The following CNTLN variants were observed in gnomAD, a reference collection of about 807,000 sequenced individuals.
CNTLN encodes the protein centlein, also known as centlein, centrosomal protein.
CNTLN carries 212 observed loss-of-function variants against 180.0 expected under a neutral mutation model. That is an observed-to-expected ratio of 1.18 (90% CI 1.05 to 1.32). The LOEUF is 1.32. CNTLN is among the 40% of genes most tolerant of loss of function. CNTLN has a pLI of 0.00. For synonymous variants in CNTLN, 722 were observed against 563.1 expected, an observed-to-expected ratio of 1.28 and a Z score of -3.99; for missense variants, 2,095 against 1,610.9, an observed-to-expected ratio of 1.30 and a Z score of -5.14.
At chr9:17,174,238 T>A (rs1820579954) in intron 2 of CNTLN, among the ~76,000 whole-genome samples, 1 of 152,212 alleles carries the variant, frequency 6.6e-6, no homozygotes, top group Non-Finnish European at 1.5e-5. Context: ...CATTCACTTG[T>A]TGAAGGACAT....
chr9:17,260,879 A>G (rs150915454), intron 5 of CNTLN, among the ~76,000 whole-genome samples: 80 of 151,398 alleles, frequency 5.3e-4, no homozygotes, highest in Admixed American at 3.6e-3. Flanking sequence ...TCCAGTTTCA[A>G]TCTTCCGCAT....
At position 17,409,182 on chromosome 9, in the gene CNTLN, T is replaced by C. The variant is rs1269200477; in HGVS notation, c.2616-111T>C. The C allele has an allele frequency of 3.5e-5, 33 of 931,544 alleles. No individual in the cohort carries two copies. In the East Asian group the frequency reaches 8.4e-4, roughly 24 times the overall value. The allele number at this position is 931,544 out of a possible 1,614,324, so 57.7% of individuals were successfully genotyped here. A position where few individuals can be genotyped will look rare whatever the true frequency, so the allele number is the denominator to read the frequency against. Reference sequence around the variant, plus strand: ...AACCAGTAAATGCCCACGTTAAACTTGCAGTTTTATATACAATCTATGCTA... The same window carrying C: ...AACCAGTAAATGCCCACGTTAAACTCGCAGTTTTATATACAATCTATGCTA... On this transcript the variant is annotated intron_variant, in intron 15 of 25. Transcript: ENST00000380647.
chr9:17,479,542 G>C (rs543340321), intron 23 of CNTLN, among the ~76,000 whole-genome samples: 1 of 152,260 alleles, frequency 6.6e-6, no homozygotes, highest in African/African-American at 2.4e-5. Context: ...GGGAGACTGA[G>C]AAATGGGGAA....
At chr9:17,313,571 T>C (rs1025356261) in intron 8 of CNTLN, among the ~76,000 whole-genome samples, 1 of 152,178 alleles carries the variant, frequency 6.6e-6, no homozygotes, top group Non-Finnish European at 1.5e-5. Context: ...TTTTGACTCT[T>C]AGCATTTAAA....
intron 2 of CNTLN, among the ~76,000 whole-genome samples, chr9:17,190,081 G>A (rs767758444): frequency 1.3e-5 from 2 of 150,618 alleles, no homozygotes; most frequent in Non-Finnish European, 2.9e-5. Flanking sequence ...TCCAGTCTGT[G>A]TCTGCACAAC....
At chr9:17,313,651 C>T (rs753991753) in intron 8 of CNTLN, among the ~76,000 whole-genome samples, 15 of 152,038 alleles carry the variant, frequency 9.9e-5, no homozygotes, top group Non-Finnish European at 1.6e-4. Context: ...TCTTGATTTT[C>T]ATAATTTTTA....
intron 13 of CNTLN, among the ~76,000 whole-genome samples, chr9:17,380,086 T>A (rs1321679043): frequency 6.6e-6 from 1 of 152,106 alleles, no homozygotes; most frequent in Non-Finnish European, 1.5e-5. Flanking sequence ...ACTGAGATAG[T>A]TTAAGCAAGA....
At chr9:17,178,469 C>G (rs2131703669) in intron 2 of CNTLN, among the ~76,000 whole-genome samples, 1 of 152,232 alleles carries the variant, frequency 6.6e-6, no homozygotes, top group South Asian at 2.1e-4. Flanking sequence ...GGGAGTGGTG[C>G]TGGTTAGGGA....
intron 10 of CNTLN, among the ~76,000 whole-genome samples, chr9:17,334,935 T>G (rs1226827976): frequency 6.7e-6 from 1 of 149,308 alleles, no homozygotes; most frequent in East Asian, 1.9e-4. Flanking sequence ...AAAAAAAGAT[T>G]TTCAATTGGC....
intron 6 of CNTLN, among the ~76,000 whole-genome samples, chr9:17,293,464 TG>T (rs1817550269): frequency 6.6e-6 from 1 of 152,214 alleles, no homozygotes; most frequent in South Asian, 2.1e-4. Context: ...CCTAAACCCC[TG>T]GCTGCAGTTG....
Position 17,449,594 on chromosome 9 carries a change from A to G in CNTLN, c.3115-7930A>G, listed in dbSNP as rs572217507. On this transcript the variant is annotated intron_variant, in intron 18 of 25. Transcript: ENST00000380647. ...AACAGTCAAACTCTTTTTTCTGTGA[A>G]TAGACAAATGTTTATTTTTCCCGTG... Among the ~76,000 whole-genome samples the G allele has an allele frequency of 9.2e-5, 14 of 152,278 alleles. No individual in the cohort carries two copies. The East Asian group carries it at 2.5e-3, about 27-fold the overall frequency.
chr9:17,306,376 C>T (rs564558020), intron 7 of CNTLN, among the ~76,000 whole-genome samples: 5 of 152,080 alleles, frequency 3.3e-5, no homozygotes, highest in East Asian at 1.9e-4. Flanking sequence ...CTTGAACTCC[C>T]GTCGTCAGGT....
intron 7 of CNTLN, among the ~76,000 whole-genome samples, chr9:17,304,743 G>A (rs1370817589): frequency 6.6e-6 from 1 of 152,022 alleles, no homozygotes; most frequent in Admixed American, 6.6e-5. Context: ...AAATTAATAA[G>A]AAAAAGTATA....
intron 6 of CNTLN, among the ~76,000 whole-genome samples, chr9:17,284,576 G>A (rs923110154): frequency 6.6e-6 from 1 of 152,096 alleles, no homozygotes; most frequent in Admixed American, 6.5e-5. Flanking sequence ...TCTGAAGGTT[G>A]TTTGTATTTC....
chr9:17,252,720 C>A (rs1826222880), intron 5 of CNTLN, among the ~76,000 whole-genome samples: 1 of 151,574 alleles, frequency 6.6e-6, no homozygotes, highest in Non-Finnish European at 1.5e-5. Flanking sequence ...TTTTTGTAGG[C>A]TGAATTTCAA....
intron 18 of CNTLN, among the ~76,000 whole-genome samples, chr9:17,437,748 G>A (rs976741890): frequency 1.3e-5 from 2 of 152,052 alleles, no homozygotes; most frequent in African/African-American, 4.8e-5. Flanking sequence ...CCTTGTCCCC[G>A]ATAATAACAC....
intron 2 of CNTLN, among the ~76,000 whole-genome samples, chr9:17,160,039 T>A (rs1053496499): frequency 5.9e-5 from 9 of 152,194 alleles, no homozygotes. Context: ...ATGGCAATTG[T>A]GATAGAGATT....
rs1818076109 is a variant in CNTLN at position 17,298,089 on chromosome 9, T to C, written c.984-101T>C. On this transcript the variant is annotated intron_variant, in intron 6 of 25. Transcript: ENST00000380647. Reference sequence around the variant, plus strand: ...GTTTGCCTGCAGTACAAATAACAGATGCAAAACAGGATGCCAATCTGTAAC... The same window carrying C: ...GTTTGCCTGCAGTACAAATAACAGACGCAAAACAGGATGCCAATCTGTAAC... 4 of 983,888 alleles carry C rather than the reference T, an allele frequency of 4.1e-6. No individual in the cohort carries two copies. The South Asian group carries it at 1.1e-4, about 27-fold the overall frequency. 60.9% of individuals were successfully genotyped at this position (983,888 alleles called of 1,614,324 possible).
chr9:17,316,906 G>C (rs193301836), intron 8 of CNTLN, among the ~76,000 whole-genome samples: 114 of 152,148 alleles, frequency 7.5e-4, no homozygotes, highest in African/African-American at 2.6e-3. Flanking sequence ...CATTGTTCCT[G>C]TGTACGTTTG....
Sources: allele counts gnomAD v4.1 joint callset (sites outside exome capture counted in the v4.1 genomes callset), GRCh38; gene constraint gnomAD v4.1.1; transcripts MANE v1.5; gene names NCBI Gene and HGNC (gene_info 2026-07-23, HGNC 2026-07-21).